The following MYO3B variants were observed in gnomAD, a reference collection of about 807,000 sequenced individuals.
MYO3B encodes the protein myosin IIIB.
MYO3B carries 156 observed loss-of-function variants against 174.6 expected under a neutral mutation model. The ratio of observed to expected loss-of-function variants is 0.89; its 90% CI spans 0.78 to 1.02. The LOEUF (loss-of-function observed/expected upper bound fraction) is 1.02. MYO3B is among the 50% of genes least tolerant of loss of function. MYO3B has a pLI of 0.00. For missense variants in MYO3B, 1,632 were observed against 1,639.4 expected (o/e 1.00, Z 0.08); for synonymous variants, 563 against 569.1 (o/e 0.99, Z 0.15).
intron 7 of MYO3B, among the ~76,000 whole-genome samples, chr2:170,244,958 C>G (rs1333009832): frequency 6.6e-6 from 1 of 152,096 alleles, no homozygotes; most frequent in Non-Finnish European, 1.5e-5. Flanking sequence ...TTGAGGAACA[C>G]TGGATAATTG....
intron 32 of MYO3B, among the ~76,000 whole-genome samples, chr2:170,560,722 T>C (rs1414563396): frequency 6.6e-6 from 1 of 152,178 alleles, no homozygotes; most frequent in Non-Finnish European, 1.5e-5. Flanking sequence ...GGCTGGGTTC[T>C]CCCAATGGAT....
At chr2:170,614,453 T>C (rs1559160459) in intron 32 of MYO3B, among the ~76,000 whole-genome samples, 1 of 152,078 alleles carries the variant, frequency 6.6e-6, no homozygotes, top group Non-Finnish European at 1.5e-5. Context: ...TACTGGGATT[T>C]CCAAATGTTA....
intron 1 of MYO3B, among the ~76,000 whole-genome samples, chr2:170,181,743 T>C (rs2052634): frequency 0.49 from 74,919 of 152,044 alleles, 19,494 homozygotes; most frequent in East Asian, 0.87. Context: ...AAGTGTGCTT[T>C]TTTTGATTAT....
At chr2:170,326,323 A>C (rs1042215012) in intron 7 of MYO3B, among the ~76,000 whole-genome samples, 1 of 152,194 alleles carries the variant, frequency 6.6e-6, no homozygotes, top group Non-Finnish European at 1.5e-5. Flanking sequence ...TAAAATAATA[A>C]TTTTTTTAAA....
In MYO3B at chr2:170,402,887, C is replaced by T; in HGVS notation, c.2169C>T (p.Ile723=). 6.2e-7 allele frequency: 1 copy of T among 1,611,998 alleles called. No homozygotes were observed. Among genetic ancestry groups the T allele is most frequent in the Non-Finnish European group, 8.5e-7 (1 of 1,178,454 alleles). Reference sequence around the variant, plus strand: ...GAATGAATGTGGGGATCTTGGATATCTTTGGATTCGAGAATTTTCAGAGAA... The same window carrying T: ...GAATGAATGTGGGGATCTTGGATATTTTTGGATTCGAGAATTTTCAGAGAA... The part of the protein sequence containing the change: ...GGGMNVGILD[I]FGFENFQRNS... Residue 723 remains isoleucine (I), a synonymous_variant, in exon 19 of 35, where the codon ATC becomes ATT. Transcript: ENST00000408978.
Position 170,505,439 on chromosome 2 carries a change from A to G in MYO3B, c.3370+3574A>G, listed in dbSNP as rs1368610135. Among the ~76,000 whole-genome samples, 3 of 152,216 alleles carry G rather than the reference A, an allele frequency of 2.0e-5. No individual in the cohort carries two copies. The East Asian group carries it at 5.8e-4, about 29-fold the overall frequency. On this transcript the variant is annotated intron_variant, in intron 28 of 34. Coordinates refer to ENST00000408978, the MANE Select transcript of MYO3B (RefSeq NM_138995.5). ...TTAAAATCCGAAAAAAATTGTACAT[A>G]TTAGTGTTCAAATAGATGGTGTATT...
rs567908918 is a variant in MYO3B, at chr2:170,530,042, A to C, written c.3575+10502A>C. Among the ~76,000 whole-genome samples, 14 of 152,372 alleles carry C rather than the reference A, an allele frequency of 9.2e-5. No homozygotes were observed. The East Asian group carries it at 2.7e-3, about 29-fold the overall frequency. ...TCGCCCTGGTCACCTTAAATTAAGA[A>C]GAAACTGGAGTATTTGCCATTAAAA... is the stretch of plus-strand genomic sequence containing the variant. On this transcript the variant is annotated intron_variant, in intron 30 of 34. Coordinates refer to ENST00000408978, the MANE Select transcript of MYO3B (RefSeq NM_138995.5).
intron 32 of MYO3B, among the ~76,000 whole-genome samples, chr2:170,547,583 G>A (rs1690606682): frequency 6.6e-6 from 1 of 152,016 alleles, no homozygotes; most frequent in Non-Finnish European, 1.5e-5. Flanking sequence ...AATTATTAAC[G>A]CTATGTGCCA....
At chr2:170,628,660 C>T (rs541514397) in intron 32 of MYO3B, among the ~76,000 whole-genome samples, 18 of 151,900 alleles carry the variant, frequency 1.2e-4, no homozygotes, top group South Asian at 6.2e-4. Context: ...TGTGCCTATT[C>T]GGCCATCTTG....
chr2:170,564,941 C>A (rs545302039), intron 32 of MYO3B, among the ~76,000 whole-genome samples: 27 of 147,040 alleles, frequency 1.8e-4, no homozygotes, highest in African/African-American at 6.9e-4. Flanking sequence ...GCTTGATTTT[C>A]CATCCCACTA....
intron 7 of MYO3B, among the ~76,000 whole-genome samples, chr2:170,294,868 G>A (rs912446964): frequency 6.6e-5 from 10 of 152,040 alleles, no homozygotes; most frequent in African/African-American, 1.9e-4. Flanking sequence ...GGAAGGCTAT[G>A]CACATATAAA....
At chr2:170,548,997 A>AT (rs566576047) in intron 32 of MYO3B, among the ~76,000 whole-genome samples, 10 of 152,050 alleles carry the variant, frequency 6.6e-5, no homozygotes, top group South Asian at 4.2e-4. Context: ...GGTTTTAAGC[A>AT]TTTTTTTTAG....
chr2:170,456,474 CAGAG>C (rs779698994), intron 23 of MYO3B, among the ~76,000 whole-genome samples: 56 of 152,278 alleles, frequency 3.7e-4, no homozygotes, highest in Middle Eastern at 3.4e-3. Context: ...TTGGGGGTAT[CAGAG>C]AGACCTTGAT....
intron 7 of MYO3B, among the ~76,000 whole-genome samples, chr2:170,244,386 A>C (rs2093168221): frequency 6.6e-6 from 1 of 152,216 alleles, no homozygotes; most frequent in African/African-American, 2.4e-5. Flanking sequence ...AAACATTGGC[A>C]AAAGGAGACA....
chr2:170,502,872 T>A (rs1462373606), intron 28 of MYO3B, among the ~76,000 whole-genome samples: 2 of 152,224 alleles, frequency 1.3e-5, no homozygotes, highest in Non-Finnish European at 2.9e-5. Context: ...CTCAGAACTC[T>A]TAGACCACTG....
intron 22 of MYO3B, among the ~76,000 whole-genome samples, chr2:170,442,563 T>C (rs1167609165): frequency 2.0e-5 from 3 of 151,576 alleles, no homozygotes; most frequent in African/African-American, 7.3e-5. Context: ...TGCAGGTTTG[T>C]TACATAGTAT....
chr2:170,336,172 G>T (rs2093946217), intron 8 of MYO3B, among the ~76,000 whole-genome samples: 1 of 151,944 alleles, frequency 6.6e-6, no homozygotes, highest in South Asian at 2.1e-4. Flanking sequence ...CAAGCTAGGG[G>T]CCTGGTGAAT....
intron 6 of MYO3B, among the ~76,000 whole-genome samples, chr2:170,232,656 G>A (rs1201009122): frequency 6.6e-6 from 1 of 152,204 alleles, no homozygotes; most frequent in Non-Finnish European, 1.5e-5. Flanking sequence ...CAGGTAAGCT[G>A]TTTAACCATG....
chr2:170,217,503 T>C, intron 6 of MYO3B, 108 bp downstream of exon 6: 1 of 894,662 alleles, frequency 1.1e-6, no homozygotes, highest in South Asian at 1.4e-5. Flanking sequence ...GAGAAGAAAG[T>C]CCATTATCCT....
Sources: allele counts gnomAD v4.1 joint callset (sites outside exome capture counted in the v4.1 genomes callset), GRCh38; gene constraint gnomAD v4.1.1; transcripts MANE v1.5; gene names NCBI Gene and HGNC (gene_info 2026-07-23, HGNC 2026-07-21).